SCML4: variants seen among roughly 807,000 people sequenced by gnomAD.
SCML4 encodes the protein Scm polycomb group protein like 4, also known as sex comb on midleg-like protein 4.
SCML4 carries 34 observed loss-of-function variants against 41.1 expected under a neutral mutation model. The ratio of observed to expected loss-of-function variants is 0.83; its 90% CI spans 0.63 to 1.10. The LOEUF is 1.10. SCML4 is among the 50% of genes least tolerant of loss of function. SCML4 has a pLI of 0.00. For synonymous variants in SCML4, 214 were observed against 220.9 expected, an observed-to-expected ratio of 0.97 and a Z score of 0.28; for missense variants, 522 against 534.1, an observed-to-expected ratio of 0.98 and a Z score of 0.22.
intron 6 of SCML4, among the ~76,000 whole-genome samples, chr6:107,715,006 G>A (rs139436774): frequency 4.3e-5 from 6 of 138,178 alleles, no homozygotes; most frequent in African/African-American, 1.1e-4. Context: ...ATGAAGTCCC[G>A]CTTTGTCATC....
At chr6:107,768,535 C>G (rs1031299117) in intron 2 of SCML4, among the ~76,000 whole-genome samples, 2 of 152,176 alleles carry the variant, frequency 1.3e-5, no homozygotes, top group Non-Finnish European at 2.9e-5. Context: ...ACTTGAGAAG[C>G]ATAATTGCTA....
chr6:107,818,514 C>A (rs1784715888), intron 1 of SCML4, among the ~76,000 whole-genome samples: 1 of 152,168 alleles, frequency 6.6e-6, no homozygotes, highest in Non-Finnish European at 1.5e-5. Context: ...TTGACATCAC[C>A]AAAATTTCCC....
chr6:107,784,378 G>A (rs565665572), intron 1 of SCML4, among the ~76,000 whole-genome samples: 1 of 152,256 alleles, frequency 6.6e-6, no homozygotes, highest in South Asian at 2.1e-4. Context: ...AAAGAAATGA[G>A]AGAGAATGAC....
At chr6:107,789,521 A>G (rs1562260799) in intron 1 of SCML4, among the ~76,000 whole-genome samples, 1 of 152,220 alleles carries the variant, frequency 6.6e-6, no homozygotes, top group Non-Finnish European at 1.5e-5. Context: ...CAGCTTCTCC[A>G]TCGCAGTCTC....
At chr6:107,782,662 T>C (rs1183112754) in intron 1 of SCML4, among the ~76,000 whole-genome samples, 2 of 152,232 alleles carry the variant, frequency 1.3e-5, no homozygotes, top group African/African-American at 2.4e-5. Flanking sequence ...GTTTGCCTGA[T>C]GGCAGGTGCT....
At chr6:107,778,211 AAAAAAAAAAAAATATATATATAT>A (rs1781139923) in intron 1 of SCML4, among the ~76,000 whole-genome samples, 1 of 20,032 alleles carries the variant, frequency 5.0e-5, no homozygotes, top group African/African-American at 1.3e-4. Flanking sequence ...AAAAAAAAAA[AAAAAAAAAAAAATATATATATAT>A]ATATATATAT....
intron 1 of SCML4, among the ~76,000 whole-genome samples, chr6:107,779,807 G>T (rs1186950602): frequency 6.6e-6 from 1 of 152,072 alleles, no homozygotes. Flanking sequence ...ATGCACTTTG[G>T]CATCTGTCTG....
intron 5 of SCML4, among the ~76,000 whole-genome samples, chr6:107,727,485 T>C (rs1208030811): frequency 6.6e-6 from 1 of 152,232 alleles, no homozygotes; most frequent in Non-Finnish European, 1.5e-5. Flanking sequence ...GAACATATTC[T>C]CAAGAATTAC....
chr6:107,745,041 A>T lies in SCML4; in HGVS notation c.590T>A (p.Leu197Gln). The change falls in exon 5 of 8, where the codon CTG becomes CAG. Residue 197 changes from leucine (L) to glutamine (Q), a missense_variant. By Grantham distance (113) the Leu-to-Gln change is moderately radical. Coordinates refer to ENST00000369020, the MANE Select transcript of SCML4 (RefSeq NM_198081.5). ...CTGGTGGCTGAAGAGGTCATCGCAC[A>T]GGAGGCTTCGGCACAGCTTGGCGAG... ...RFLAKLCRSLLCDDLFSHQPF... is the reference protein window; with the variant it reads ...RFLAKLCRSLQCDDLFSHQPF... 2 of 1,614,184 alleles carry T rather than the reference A, an allele frequency of 1.2e-6. No individual in the cohort carries two copies. Among genetic ancestry groups the T allele is most frequent in the Non-Finnish European group, 1.7e-6 (2 of 1,180,000 alleles).
chr6:107,741,184 A>G (rs1269251038), intron 5 of SCML4, among the ~76,000 whole-genome samples: 2 of 152,240 alleles, frequency 1.3e-5, no homozygotes, highest in Non-Finnish European at 2.9e-5. Flanking sequence ...CACCGAGATT[A>G]TAACCAGAAA....
intron 5 of SCML4, among the ~76,000 whole-genome samples, chr6:107,737,359 T>C (rs977552362): frequency 1.3e-5 from 2 of 152,190 alleles, no homozygotes; most frequent in African/African-American, 4.8e-5. Context: ...CATCATTCTT[T>C]CCTATCTTTC....
chr6:107,788,391 G>A (rs1434344757), intron 1 of SCML4, among the ~76,000 whole-genome samples: 1 of 152,174 alleles, frequency 6.6e-6, no homozygotes, highest in African/African-American at 2.4e-5. Flanking sequence ...TAAACCCTGT[G>A]TGATACAAAT....
At chr6:107,755,666 TAAA>T (rs11433930) in intron 2 of SCML4, 898 of 1,057,736 alleles carry the variant, frequency 8.5e-4, no homozygotes, top group South Asian at 1.7e-3. Context: ...CTTAGGTTTC[TAAA>T]AAAAAAAAAA....
intron 1 of SCML4, among the ~76,000 whole-genome samples, chr6:107,796,963 T>A (rs141308406): frequency 1.3e-5 from 2 of 152,258 alleles, no homozygotes; most frequent in African/African-American, 4.8e-5. Flanking sequence ...CTTTGGCACC[T>A]TTGTCAAAAT....
At chr6:107,790,273 A>C (rs2114612196) in intron 1 of SCML4, among the ~76,000 whole-genome samples, 1 of 152,278 alleles carries the variant, frequency 6.6e-6, no homozygotes, top group South Asian at 2.1e-4. Context: ...GCCTGGTGAA[A>C]ATCTATGTGA....
At chr6:107,841,018 A>T in the SCML4 span, among the ~76,000 whole-genome samples, 1 of 152,096 alleles carries the variant, frequency 6.6e-6, no homozygotes, top group Admixed American at 6.5e-5. Context: ...TTTTGTGATG[A>T]TATCAGAGAA....
chr6:107,726,532 CAAAAAAAAAAAA>C (rs59013088), intron 5 of SCML4, among the ~76,000 whole-genome samples: 1 of 72,394 alleles, frequency 1.4e-5, no homozygotes, highest in Non-Finnish European at 2.4e-5. Flanking sequence ...GACTCCATCT[CAAAAAAAAAAAA>C]AAAAAAAAAA....
intron 1 of SCML4, among the ~76,000 whole-genome samples, chr6:107,816,225 ATAAG>A (rs996408238): frequency 5.3e-5 from 8 of 152,134 alleles, no homozygotes; most frequent in Non-Finnish European, 1.0e-4. Flanking sequence ...ATCAAACACG[ATAAG>A]TAAGATAAAC....
At chr6:107,739,963 C>T (rs1030696498) in intron 5 of SCML4, 1 of 367,854 alleles carries the variant, frequency 2.7e-6, no homozygotes, top group African/African-American at 2.1e-5. Flanking sequence ...ATTCACAGCA[C>T]TCAGCTCTGC....
Sources: gnomAD v4.1 joint callset for allele counts (sites outside exome capture counted in the v4.1 genomes callset) on GRCh38, gnomAD v4.1.1 for gene constraint, MANE v1.5 for transcripts, NCBI Gene and HGNC (gene_info 2026-07-23, HGNC 2026-07-21) for gene names.